The following PRKN variants were observed in gnomAD, a reference collection of about 807,000 sequenced individuals.
PRKN encodes the protein E3 ubiquitin-protein ligase parkin.
Under a neutral mutation model 59.5 loss-of-function variants are expected in PRKN, and 56 were observed. That is an observed-to-expected ratio of 0.94 (90% confidence interval 0.76 to 1.18). The LOEUF (loss-of-function observed/expected upper bound fraction) is 1.18, where lower values mean the gene tolerates loss of function less well. Among genes scored for constraint, PRKN ranks in the 50% most tolerant of loss-of-function variants. The pLI is 0.00. For synonymous variants in PRKN, 250 were observed against 222.1 expected (o/e 1.13, Z -1.12); for missense variants, 657 against 596.4 (o/e 1.10, Z -1.06).
chr6:162,493,591 A>C (rs555071054), intron 1 of PRKN, among the ~76,000 whole-genome samples: 2 of 152,360 alleles, frequency 1.3e-5, no homozygotes, highest in South Asian at 2.1e-4. Flanking sequence ...ATAACTAAGA[A>C]GACAGACTCA....
At chr6:162,044,040 G>T (rs1784163742) in intron 5 of PRKN, among the ~76,000 whole-genome samples, 1 of 152,252 alleles carries the variant, frequency 6.6e-6, no homozygotes, top group African/African-American at 2.4e-5. Context: ...GAGTTTTAGG[G>T]AAGACAAAAA....
intron 2 of PRKN, among the ~76,000 whole-genome samples, chr6:162,314,583 G>GAACGGCATCTCCAGGC (rs1257560013): frequency 6.6e-6 from 1 of 152,066 alleles, no homozygotes; most frequent in African/African-American, 2.4e-5. Context: ...TTCTCTCAGG[G>GAACGGCATCTCCAGGC]AACGGCATCT....
At chr6:162,525,959 T>A (rs1778262957) in intron 1 of PRKN, among the ~76,000 whole-genome samples, 1 of 152,180 alleles carries the variant, frequency 6.6e-6, no homozygotes, top group South Asian at 2.1e-4. Context: ...GCTCAGGTGA[T>A]TCTCCCACCT....
At chr6:161,755,467 A>C (rs1345754812) in intron 7 of PRKN, among the ~76,000 whole-genome samples, 1 of 152,078 alleles carries the variant, frequency 6.6e-6, no homozygotes, top group Non-Finnish European at 1.5e-5. Flanking sequence ...AGGGTTATGG[A>C]TATATATTCC....
At chr6:162,193,996 T>C (rs1784393506) in intron 4 of PRKN, among the ~76,000 whole-genome samples, 1 of 152,200 alleles carries the variant, frequency 6.6e-6, no homozygotes, top group Non-Finnish European at 1.5e-5. Flanking sequence ...GAAACATATT[T>C]TTGGTAAACC....
intron 2 of PRKN, chr6:162,270,130 CCAAT>C (rs1780309427): frequency 6.6e-6 from 1 of 152,158 alleles, no homozygotes; most frequent in Non-Finnish European, 1.5e-5. Context: ...CACATGTCCA[CCAAT>C]CAATGAGTGG....
intron 5 of PRKN, among the ~76,000 whole-genome samples, chr6:161,991,331 A>C (rs1017126167): frequency 7.6e-4 from 116 of 152,320 alleles, no homozygotes; most frequent in Non-Finnish European, 1.2e-3. Flanking sequence ...CAGACACACA[A>C]AGGAGAAATG....
At chr6:162,211,311 T>C (rs993996032) in intron 3 of PRKN, among the ~76,000 whole-genome samples, 8 of 152,180 alleles carry the variant, frequency 5.3e-5, no homozygotes, top group Non-Finnish European at 1.2e-4. Context: ...TTCCCATTAA[T>C]GTTTTAAAGC....
chr6:162,155,018 G>C (rs528748273), intron 4 of PRKN, among the ~76,000 whole-genome samples: 38 of 147,756 alleles, frequency 2.6e-4, no homozygotes, highest in Non-Finnish European at 4.5e-4. Context: ...GGACTCTGAA[G>C]ATAATTTATG....
At chr6:162,370,314 G>T (rs533920822) in intron 2 of PRKN, among the ~76,000 whole-genome samples, 1 of 152,024 alleles carries the variant, frequency 6.6e-6, no homozygotes, top group South Asian at 2.1e-4. Context: ...CGAATTCAGA[G>T]ATTTTTTTTT....
chr6:162,291,263 G>A (rs1473436600), intron 2 of PRKN, among the ~76,000 whole-genome samples: 5 of 152,030 alleles, frequency 3.3e-5, no homozygotes, highest in Non-Finnish European at 2.9e-5. Flanking sequence ...GCTCTTCCTG[G>A]GCCAGTTCAT....
chr6:162,007,011 C>G (rs1468650954), intron 5 of PRKN, among the ~76,000 whole-genome samples: 1 of 151,828 alleles, frequency 6.6e-6, no homozygotes, highest in Non-Finnish European at 1.5e-5. Context: ...AACAAATGAA[C>G]CATGAATAAC....
At chr6:162,050,010 G>A (rs1041478211) in intron 5 of PRKN, among the ~76,000 whole-genome samples, 31 of 152,116 alleles carry the variant, frequency 2.0e-4, no homozygotes, top group East Asian at 9.7e-4. Flanking sequence ...TTTTGAATCC[G>A]TGTTACTAAG....
At chr6:161,599,871 T>C (rs1782046205) in intron 7 of PRKN, among the ~76,000 whole-genome samples, 1 of 152,182 alleles carries the variant, frequency 6.6e-6, no homozygotes, top group South Asian at 2.1e-4. Flanking sequence ...CAAATGTTGA[T>C]GGGTGAGGAA....
At chr6:161,714,082 C>A (rs181032636) in intron 7 of PRKN, among the ~76,000 whole-genome samples, 3 of 152,136 alleles carry the variant, frequency 2.0e-5, no homozygotes, top group Non-Finnish European at 4.4e-5. Context: ...TCTTTATTGG[C>A]AACGTGAGAA....
intron 2 of PRKN, among the ~76,000 whole-genome samples, chr6:162,440,345 T>G (rs569663155): frequency 6.6e-6 from 1 of 152,262 alleles, no homozygotes; most frequent in Admixed American, 6.5e-5. Flanking sequence ...CAAACTCGCT[T>G]TTTAAAATTA....
At chr6:161,438,603 G>A (rs1789041968) in intron 9 of PRKN, among the ~76,000 whole-genome samples, 1 of 152,074 alleles carries the variant, frequency 6.6e-6, no homozygotes, top group African/African-American at 2.4e-5. Flanking sequence ...AGAAGGGAAG[G>A]GAAAACAGTA....
intron 4 of PRKN, among the ~76,000 whole-genome samples, chr6:162,100,705 G>A (rs1288905793): frequency 6.6e-6 from 1 of 152,204 alleles, no homozygotes; most frequent in Non-Finnish European, 1.5e-5. Context: ...GCCTCCCAAA[G>A]TGCTGGGATT....
intron 8 of PRKN, among the ~76,000 whole-genome samples, chr6:161,565,601 A>C (rs78456754): frequency 6.6e-6 from 1 of 152,080 alleles, no homozygotes; most frequent in African/African-American, 2.4e-5. Flanking sequence ...TGAAGAAGGT[A>C]CCTTGCTTCC....
Sources: gnomAD v4.1 joint callset for allele counts (sites outside exome capture counted in the v4.1 genomes callset) on GRCh38, gnomAD v4.1.1 for gene constraint, MANE v1.5 for transcripts, NCBI Gene and HGNC (gene_info 2026-07-23, HGNC 2026-07-21) for gene names.